TENM2: variants seen among roughly 807,000 people sequenced by gnomAD.
The protein encoded by TENM2 is teneurin transmembrane protein 2, also known as teneurin-2.
Under a neutral mutation model 245.2 loss-of-function variants are expected in TENM2, and 52 were observed. The observed-to-expected ratio is 0.21, with a 90% CI of 0.17 to 0.27. TENM2 has a LOEUF of 0.27. Among genes scored for constraint, TENM2 ranks in the 10% least tolerant of loss-of-function variants. TENM2 has a pLI of 1.00. For synonymous variants in TENM2, 1,363 were observed against 1,438.9 expected (o/e 0.95, Z 1.19); for missense variants, 3,046 against 3,666.8 (o/e 0.83, Z 4.37).
intron 1 of TENM2, among the ~76,000 whole-genome samples, chr5:167,350,572 G>GGAT (rs1561883243): frequency 2.3e-5 from 3 of 129,854 alleles, no homozygotes; most frequent in Non-Finnish European, 5.2e-5. Context: ...GATATATATA[G>GGAT]ATATATATAT....
At chr5:168,238,253 A>AGAAAAGAAAAGAAAGGAAAG (rs1562321130) in intron 25 of TENM2, among the ~76,000 whole-genome samples, 2 of 146,858 alleles carry the variant, frequency 1.4e-5, no homozygotes, top group African/African-American at 5.1e-5. Flanking sequence ...AGAAAAGAAA[A>AGAAAAGAAAAGAAAGGAAAG]GAAAAGAAAA....
chr5:167,204,183 G>A, the TENM2 span, among the ~76,000 whole-genome samples: 2 of 151,076 alleles, frequency 1.3e-5, no homozygotes, highest in African/African-American at 4.8e-5. Flanking sequence ...GTGATTGACT[G>A]GAAATGAAAG....
At chr5:167,051,408 G>A in the TENM2 span, among the ~76,000 whole-genome samples, 1 of 146,044 alleles carries the variant, frequency 6.8e-6, no homozygotes, top group Non-Finnish European at 1.5e-5. Flanking sequence ...TGATTTTATC[G>A]TTTGGAGCAA....
chr5:167,717,800 A>T (rs1166584729), intron 2 of TENM2, among the ~76,000 whole-genome samples: 1 of 152,196 alleles, frequency 6.6e-6, no homozygotes, highest in Admixed American at 6.5e-5. Context: ...TACAGACTGT[A>T]ACCTCTGTGG....
the TENM2 span, among the ~76,000 whole-genome samples, chr5:167,152,842 T>C: frequency 9.9e-5 from 15 of 152,200 alleles, no homozygotes; most frequent in Admixed American, 3.3e-4. Flanking sequence ...GTGCTCACTT[T>C]GATACTTCTA....
At chr5:167,021,492 G>T in the TENM2 span, among the ~76,000 whole-genome samples, 1 of 152,230 alleles carries the variant, frequency 6.6e-6, no homozygotes, top group East Asian at 1.9e-4. Flanking sequence ...TCTTCTGACT[G>T]TGAGGCTATC....
chr5:167,347,527 C>T (rs1758542657), intron 1 of TENM2, among the ~76,000 whole-genome samples: 1 of 152,160 alleles, frequency 6.6e-6, no homozygotes, highest in Non-Finnish European at 1.5e-5. Flanking sequence ...TGTCATCTGC[C>T]ATGTCCCAGC....
At chr5:167,785,774 A>G (rs911401406) in intron 2 of TENM2, among the ~76,000 whole-genome samples, 1 of 152,214 alleles carries the variant, frequency 6.6e-6, no homozygotes, top group Non-Finnish European at 1.5e-5. Context: ...TGGTGCTGAC[A>G]TTTCCTAAGA....
chr5:167,981,394 T>A (rs191054397), intron 4 of TENM2, among the ~76,000 whole-genome samples: 1 of 152,010 alleles, frequency 6.6e-6, no homozygotes, highest in Admixed American at 6.6e-5. Flanking sequence ...AAGCTTGGAG[T>A]GGAAATCAAA....
chr5:167,204,228 G>T, the TENM2 span, among the ~76,000 whole-genome samples: 2 of 151,926 alleles, frequency 1.3e-5, no homozygotes, highest in Non-Finnish European at 2.9e-5. Flanking sequence ...TAAGGGTTAG[G>T]GGGAGAAGAG....
the TENM2 span, among the ~76,000 whole-genome samples, chr5:167,250,128 C>G: frequency 0.89 from 135,022 of 152,120 alleles, 60,478 homozygotes; most frequent in Non-Finnish European, 0.94. Context: ...ATGTACACTT[C>G]TCAGATTCAC....
chr5:166,984,618 A>T, the TENM2 span, among the ~76,000 whole-genome samples: 1 of 152,214 alleles, frequency 6.6e-6, no homozygotes, highest in South Asian at 2.1e-4. Context: ...TCACTTCAAA[A>T]TTTTATTGTA....
At chr5:167,558,532 G>T (rs1170529707) in intron 2 of TENM2, among the ~76,000 whole-genome samples, 1 of 152,202 alleles carries the variant, frequency 6.6e-6, no homozygotes, top group Non-Finnish European at 1.5e-5. Context: ...CAGATCAGCA[G>T]CAGCAGCATT....
At position 168,244,370 on chromosome 5, in the gene TENM2, C is replaced by T. The variant is rs188207679; in HGVS notation, c.5521-50C>T. 2.2e-4 allele frequency: 312 copies of T among 1,409,102 alleles called. No individual in the cohort carries two copies. The African/African-American group carries it at 3.3e-3, about 15-fold the overall frequency. The allele number at this position is 1,409,102 out of a possible 1,614,324, so 87.3% of individuals were successfully genotyped here. The stretch of plus-strand genomic sequence containing the variant: ...CCATGTCCTCCACAGAAGCCTGAGC[C>T]GGCATGCCTGGGTGATGTCTTTCAA... On this transcript the variant is annotated intron_variant, in intron 25 of 28. Transcript: ENST00000518659. This position sits in a 1 kb window ranked among gnomAD's most constrained non-coding sequence, Gnocchi z 4.9.
chr5:168,144,312 C>T (rs1424784082), intron 12 of TENM2, among the ~76,000 whole-genome samples: 4 of 152,024 alleles, frequency 2.6e-5, no homozygotes, highest in African/African-American at 4.8e-5. Context: ...GTATCTCTCC[C>T]GATGCTATCC....
chr5:168,158,481 T>C, intron 12 of TENM2, among the ~76,000 whole-genome samples: 1 of 152,004 alleles, frequency 6.6e-6, no homozygotes. Flanking sequence ...AACCAAATCT[T>C]GGATCTCATG....
chr5:167,168,669 G>C, the TENM2 span, among the ~76,000 whole-genome samples: 6 of 152,212 alleles, frequency 3.9e-5, no homozygotes, highest in African/African-American at 1.4e-4. Context: ...TTTGTGTTCA[G>C]TTGTAGCGGC....
chr5:167,952,964 T>C, intron 4 of TENM2, 142 bp downstream of exon 6: 1 of 677,940 alleles, frequency 1.5e-6, no homozygotes, highest in Non-Finnish European at 2.6e-6. Context: ...CACCTCCTTG[T>C]TCCCTTGGTA....
chr5:167,322,186 C>T (rs1484607867), intron 1 of TENM2, among the ~76,000 whole-genome samples: 2 of 149,636 alleles, frequency 1.3e-5, no homozygotes, highest in African/African-American at 2.5e-5. Context: ...TTATGATGCT[C>T]GTGTATTTAA....
Sources: gnomAD v4.1 joint callset for allele counts (sites outside exome capture counted in the v4.1 genomes callset) on GRCh38, gnomAD v4.1.1 for gene constraint, Gnocchi (gnomAD v3.1) non-coding constraint, MANE v1.5 for transcripts, NCBI Gene and HGNC (gene_info 2026-07-23, HGNC 2026-07-21) for gene names.